Variants in MEIKIN observed in about 807,000 individuals in gnomAD.
MEIKIN encodes meiotic kinetochore factor.
At chr5:131,887,052 A>G (rs1057327850) in intron 8 of MEIKIN, among the ~76,000 whole-genome samples, 1 of 148,078 alleles carries the variant, frequency 6.8e-6, no homozygotes, top group African/African-American at 2.5e-5. Flanking sequence ...TCATTGTTCA[A>G]TTCCCACCTA....
intron 11 of MEIKIN, among the ~76,000 whole-genome samples, chr5:131,844,264 C>A (rs933232078): frequency 2.6e-5 from 4 of 152,128 alleles, no homozygotes; most frequent in African/African-American, 7.2e-5. Flanking sequence ...CAATCTATAT[C>A]ATTCCAGACT....
chr5:131,921,031 C>T (rs951127836), intron 6 of MEIKIN, among the ~76,000 whole-genome samples: 5 of 152,036 alleles, frequency 3.3e-5, no homozygotes, highest in Non-Finnish European at 7.4e-5. Context: ...GAGGAAACAT[C>T]AAGACAAATC....
intron 12 of MEIKIN, among the ~76,000 whole-genome samples, chr5:131,816,495 GC>G (rs1239472853): frequency 1.3e-5 from 2 of 152,276 alleles, no homozygotes; most frequent in Middle Eastern, 3.4e-3. Flanking sequence ...ATTGGCTCCT[GC>G]CCAAGAGTTT....
intron 9 of MEIKIN, among the ~76,000 whole-genome samples, chr5:131,871,853 T>C (rs925868184): frequency 6.6e-6 from 1 of 152,154 alleles, no homozygotes; most frequent in Non-Finnish European, 1.5e-5. Flanking sequence ...TATCCGATGT[T>C]CTGCAGCCAC....
At chr5:131,822,832 G>A (rs1334164262) in intron 11 of MEIKIN, among the ~76,000 whole-genome samples, 2 of 151,696 alleles carry the variant, frequency 1.3e-5, no homozygotes, top group Non-Finnish European at 2.9e-5. Flanking sequence ...TCAGAATGAA[G>A]AAATCCCTTT....
At chr5:131,918,613 C>G (rs998404090) in intron 6 of MEIKIN, among the ~76,000 whole-genome samples, 1 of 152,332 alleles carries the variant, frequency 6.6e-6, no homozygotes, top group Non-Finnish European at 1.5e-5. Flanking sequence ...TACTCCTCTT[C>G]TTCATTTTCC....
intron 6 of MEIKIN, among the ~76,000 whole-genome samples, chr5:131,920,861 C>G (rs1043141139): frequency 6.6e-6 from 1 of 152,078 alleles, no homozygotes; most frequent in Non-Finnish European, 1.5e-5. Flanking sequence ...ACCATCACAT[C>G]TGGCTCATTT....
intron 9 of MEIKIN, among the ~76,000 whole-genome samples, chr5:131,861,393 A>T (rs560706677): frequency 6.6e-6 from 1 of 152,098 alleles, no homozygotes. Context: ...GTCTTCAAAA[A>T]AAAAAGAATA....
At chr5:131,811,374 G>C (rs1489381184) in intron 12 of MEIKIN, among the ~76,000 whole-genome samples, 1 of 141,956 alleles carries the variant, frequency 7.0e-6, no homozygotes, top group Admixed American at 7.2e-5. Flanking sequence ...TTTTATTTTT[G>C]AGACGGAGTC....
chr5:131,924,584 GC>G (rs1173813715), intron 5 of MEIKIN, among the ~76,000 whole-genome samples: 1 of 152,100 alleles, frequency 6.6e-6, no homozygotes, highest in African/African-American at 2.4e-5. Context: ...ATGATGTTGA[GC>G]ATTTTTTCAT....
intron 5 of MEIKIN, among the ~76,000 whole-genome samples, chr5:131,923,510 T>TATTTTCTCCTCTTTTTTCCTCC (rs1300178570): frequency 6.6e-6 from 1 of 151,854 alleles, no homozygotes; most frequent in African/African-American, 2.4e-5. Context: ...TTTTTTTCTT[T>TATTTTCTCCTCTTTTTTCCTCC]ATTTTCTCCT....
chr5:131,889,925 T>A (rs374641489), intron 8 of MEIKIN, among the ~76,000 whole-genome samples: 2 of 152,082 alleles, frequency 1.3e-5, no homozygotes, highest in Admixed American at 1.3e-4. Flanking sequence ...GCAAGAAGGG[T>A]TGTTGAATTT....
intron 11 of MEIKIN, among the ~76,000 whole-genome samples, chr5:131,846,682 G>A (rs1018428434): frequency 3.3e-5 from 5 of 152,100 alleles, no homozygotes; most frequent in South Asian, 4.1e-4. Flanking sequence ...TTAGCTGGAC[G>A]TGGTTGTGCA....
chr5:131,927,730 CTG>C (rs1751611184), intron 5 of MEIKIN, among the ~76,000 whole-genome samples: 1 of 152,128 alleles, frequency 6.6e-6, no homozygotes, highest in African/African-American at 2.4e-5. Flanking sequence ...TCTCTCATGA[CTG>C]TTTTTGATTT....
At chr5:131,899,557 A>C (rs1345644322) in intron 8 of MEIKIN, among the ~76,000 whole-genome samples, 4 of 151,790 alleles carry the variant, frequency 2.6e-5, no homozygotes, top group Non-Finnish European at 5.9e-5. Context: ...AAAAAAAAAA[A>C]AAAACAAGAC....
chr5:131,931,101 T>G (rs768330186), intron 5 of MEIKIN, among the ~76,000 whole-genome samples: 12 of 152,302 alleles, frequency 7.9e-5, no homozygotes, highest in Non-Finnish European at 4.4e-5. Context: ...AGTCTGGCAT[T>G]GTACAGAAGA....
intron 11 of MEIKIN, among the ~76,000 whole-genome samples, chr5:131,820,550 TG>T (rs1749477884): frequency 1.3e-5 from 2 of 152,360 alleles, no homozygotes; most frequent in East Asian, 3.9e-4. Flanking sequence ...AGAATGAATT[TG>T]GAAGTATTCC....
chr5:131,867,190 T>C (rs1256552532), intron 9 of MEIKIN, among the ~76,000 whole-genome samples: 1 of 152,150 alleles, frequency 6.6e-6, no homozygotes, highest in African/African-American at 2.4e-5. Context: ...TCAACTGACT[T>C]TTTAAAAAAA....
At chr5:131,863,831 T>C (rs557768134) in intron 9 of MEIKIN, among the ~76,000 whole-genome samples, 2 of 152,208 alleles carry the variant, frequency 1.3e-5, no homozygotes, top group South Asian at 2.1e-4. Flanking sequence ...TGAGATCTGA[T>C]GGTTTTGAAA....
Sources: allele counts gnomAD v4.1 joint callset (sites outside exome capture counted in the v4.1 genomes callset), GRCh38; gene constraint gnomAD v4.1.1; transcripts MANE v1.5; gene names NCBI Gene and HGNC (gene_info 2026-07-23, HGNC 2026-07-21).